Variants in LARP1 observed in about 807,000 individuals in gnomAD.
The protein encoded by LARP1 is La ribonucleoprotein 1, translational regulator, also known as la-related protein 1.
LARP1 carries 36 observed loss-of-function variants against 122.7 expected under a neutral mutation model. The observed-to-expected ratio is 0.29, with a 90% confidence interval of 0.22 to 0.39. LARP1 has a LOEUF of 0.39. Ranked by LOEUF, LARP1 falls within the 10% of genes least tolerant of loss-of-function variation. LARP1 has a pLI of 1.00. For synonymous variants in LARP1, 539 were observed against 528.7 expected, an observed-to-expected ratio of 1.02 and a Z score of -0.27; for missense variants, 1,040 against 1,403.6, an observed-to-expected ratio of 0.74 and a Z score of 4.14.
intron 1 of LARP1, among the ~76,000 whole-genome samples, chr5:154,706,367 C>T (rs1754950819): frequency 6.6e-6 from 1 of 151,422 alleles, no homozygotes; most frequent in Non-Finnish European, 1.5e-5. Context: ...TGGAATACTA[C>T]ACAGCCATAC....
At chr5:154,783,376 C>CA (rs1211916441) in intron 1 of LARP1, among the ~76,000 whole-genome samples, 1 of 152,184 alleles carries the variant, frequency 6.6e-6, no homozygotes, top group Non-Finnish European at 1.5e-5. Context: ...TAGGCACTTC[C>CA]AACCACCGAG....
chr5:154,705,828 A>T (rs1233036055), intron 1 of LARP1: 1 of 152,234 alleles, frequency 6.6e-6, no homozygotes, highest in Non-Finnish European at 1.5e-5. Flanking sequence ...GTCGCTGTGG[A>T]AAGCAGTTTG....
At chr5:154,747,633 G>A (rs1359117395) in intron 1 of LARP1, among the ~76,000 whole-genome samples, 1 of 151,604 alleles carries the variant, frequency 6.6e-6, no homozygotes, top group East Asian at 1.9e-4. Context: ...GGAGGCGGAG[G>A]TTGCGGCAGT....
intron 1 of LARP1, among the ~76,000 whole-genome samples, chr5:154,743,856 G>A (rs1753040175): frequency 6.6e-6 from 1 of 152,142 alleles, no homozygotes; most frequent in East Asian, 1.9e-4. Flanking sequence ...CCCACCTCAA[G>A]TGAATCGCCT....
exon 1 of LARP1, chr5:154,712,871 T>A (rs1755285201): frequency 6.6e-7 from 1 of 1,509,348 alleles, no homozygotes; most frequent in African/African-American, 1.4e-5. Context: ...CTGTGCGATC[T>A]GGATGTACCT....
At chr5:154,697,713 T>C (rs1378942948) in intron 1 of LARP1, among the ~76,000 whole-genome samples, 1 of 152,180 alleles carries the variant, frequency 6.6e-6, no homozygotes, top group Non-Finnish European at 1.5e-5. Context: ...ATAGGCAAAT[T>C]CATAGAGACA....
At chr5:154,708,506 G>A (rs1174789462), upstream of LARP1, among the ~76,000 whole-genome samples, 1 of 152,158 alleles carries the variant, frequency 6.6e-6, no homozygotes, top group Non-Finnish European at 1.5e-5. Context: ...GAGAAGACAT[G>A]TGTGCTCTGT....
At chr5:154,763,054 CTTTTT>C (rs147728579) in intron 1 of LARP1, among the ~76,000 whole-genome samples, 4 of 129,906 alleles carry the variant, frequency 3.1e-5, no homozygotes, top group South Asian at 5.0e-4. Context: ...TGAGCAGATG[CTTTTT>C]TTTTTTTTTT....
At chr5:154,800,377 C>T (rs1758251434) in intron 10 of LARP1, among the ~76,000 whole-genome samples, 1 of 152,064 alleles carries the variant, frequency 6.6e-6, no homozygotes, top group Non-Finnish European at 1.5e-5. Context: ...TCTGGGGCTG[C>T]GTTTTTGGTG....
At chr5:154,758,648 TG>T (rs1350803373) in intron 1 of LARP1, among the ~76,000 whole-genome samples, 1 of 152,180 alleles carries the variant, frequency 6.6e-6, no homozygotes, top group African/African-American at 2.4e-5. Flanking sequence ...TGTGTGGTCT[TG>T]GGAATTTTTG....
intron 1 of LARP1, among the ~76,000 whole-genome samples, chr5:154,767,327 T>C (rs1203543153): frequency 6.6e-6 from 1 of 152,224 alleles, no homozygotes; most frequent in Non-Finnish European, 1.5e-5. Flanking sequence ...TGTTCTTCTT[T>C]TGAGGCCCTG....
chr5:154,743,350 C>T (rs1753009130), intron 1 of LARP1, among the ~76,000 whole-genome samples: 1 of 151,520 alleles, frequency 6.6e-6, no homozygotes, highest in South Asian at 2.1e-4. Flanking sequence ...CTCTTGTTGC[C>T]CAGGCTGGAG....
chr5:154,691,803 T>G (rs1309724763), intron 1 of LARP1, among the ~76,000 whole-genome samples: 1 of 9,936 alleles, frequency 1.0e-4, no homozygotes, highest in Non-Finnish European at 1.9e-4. Context: ...TTTTCGTTCT[T>G]TTTTTTTTTT....
chr5:154,813,818 G>C (rs1759477010), intron 18 of LARP1, 69 bp from the exon 19 acceptor site: 1 of 1,318,546 alleles, frequency 7.6e-7, no homozygotes, highest in Non-Finnish European at 1.1e-6. Flanking sequence ...GAAGTGTCTA[G>C]ACGGGCCTGG....
chr5:154,792,516 T>G (rs1757424334), intron 3 of LARP1, 106 bp from the exon 4 acceptor site: 1 of 972,400 alleles, frequency 1.0e-6, no homozygotes, highest in Admixed American at 2.1e-5. Context: ...AGCCTGCCAT[T>G]GCATGCTGTG....
At chr5:154,765,045 C>T (rs1754821431) in intron 1 of LARP1, among the ~76,000 whole-genome samples, 1 of 152,146 alleles carries the variant, frequency 6.6e-6, no homozygotes, top group Non-Finnish European at 1.5e-5. Context: ...GGTCTCCTAT[C>T]ACTCCTACTT....
upstream of LARP1, among the ~76,000 whole-genome samples, chr5:154,709,104 A>G (rs1198784848): frequency 6.6e-6 from 1 of 152,204 alleles, no homozygotes; most frequent in East Asian, 1.9e-4. Context: ...TGCTAGCCAA[A>G]AGAGGAACAC....
chr5:154,733,531 A>G (rs1263896869), intron 1 of LARP1, among the ~76,000 whole-genome samples: 3 of 149,996 alleles, frequency 2.0e-5, no homozygotes, highest in African/African-American at 5.0e-5. Context: ...CACAAGCTAT[A>G]TAACCTCTGT....
chr5:154,727,219 A>T (rs1756275160), intron 1 of LARP1, among the ~76,000 whole-genome samples: 1 of 152,244 alleles, frequency 6.6e-6, no homozygotes, highest in Non-Finnish European at 1.5e-5. Context: ...GCAATATTTG[A>T]TGTTGGTCAA....
Sources: allele counts gnomAD v4.1 joint callset (sites outside exome capture counted in the v4.1 genomes callset), GRCh38; gene constraint gnomAD v4.1.1; transcripts MANE v1.5; gene names NCBI Gene and HGNC (gene_info 2026-07-23, HGNC 2026-07-21).